The following MAX variants were observed in gnomAD, a reference collection of about 807,000 sequenced individuals.
MAX encodes the protein protein max.
A neutral mutation model predicts 22.3 loss-of-function variants in MAX; 3 were observed. The ratio of observed to expected loss-of-function variants is 0.13; its 90% CI spans 0.06 to 0.35. The LOEUF (loss-of-function observed/expected upper bound fraction) is 0.35. Ranked by LOEUF, MAX falls within the 10% of genes least tolerant of loss-of-function variation. The pLI is 1.00. For synonymous variants in MAX, 72 were observed against 77.7 expected, an observed-to-expected ratio of 0.93 and a Z score of 0.39; for missense variants, 119 against 209.4, an observed-to-expected ratio of 0.57 and a Z score of 2.66.
rs1002363530 is a variant in MAX, at chr14:65,027,649, C to T, written c.172-21365G>A. ...GAAACCTAGAGGAGTTCCCCGCCTG[C>T]TGACACGCACTGACTGTTGCCTCTC... On this transcript the variant is annotated intron_variant, in intron 3 of 3. Coordinates refer to the MAX transcript ENST00000341653. The surrounding 1 kb of genome is among the most constrained non-coding windows in gnomAD (Gnocchi z 5.7). 3 of 1,614,050 alleles carry T rather than the reference C, an allele frequency of 1.9e-6. No individual in the cohort carries two copies. Among genetic ancestry groups the T allele is most frequent in the Non-Finnish European group, 2.5e-6 (3 of 1,179,934 alleles).
intron 3 of MAX, among the ~76,000 whole-genome samples, chr14:65,043,859 A>AAAAAAAG (rs2062413288): frequency 7.0e-6 from 1 of 143,110 alleles, no homozygotes; most frequent in Non-Finnish European, 1.5e-5. Context: ...AAAAAAAAAA[A>AAAAAAAG]AGAAATGTAG....
rs1167553139 is a variant in MAX, at chr14:65,023,143, G to T, written c.172-16859C>A. 6.6e-6 allele frequency among the ~76,000 whole-genome samples: 1 copy of T among 152,128 alleles called. No individual in the cohort carries two copies. Among genetic ancestry groups the T allele is most frequent in the Non-Finnish European group, 1.5e-5 (1 of 68,014 alleles). ...CACAATCACAGCTCACTGCAACCTG[G>T]ACTTCCCCAAGCTCAAGTGATCCTC... On this transcript the variant is annotated intron_variant, in intron 3 of 3. Coordinates refer to the MAX transcript ENST00000341653. This position sits in a 1 kb window ranked among gnomAD's most constrained non-coding sequence, Gnocchi z 4.1.
intron 3 of MAX, chr14:65,041,014 G>A: frequency 6.5e-7 from 1 of 1,542,876 alleles, no homozygotes; most frequent in Non-Finnish European, 8.8e-7. Flanking sequence ...TTGGCTATGG[G>A]AAGGGCTAAG....
intron 3 of MAX, among the ~76,000 whole-genome samples, chr14:65,037,744 A>T (rs200963263): frequency 0.28 from 15,356 of 55,028 alleles, 960 homozygotes; most frequent in Non-Finnish European, 0.32. Context: ...TTTATTTATT[A>T]TTTATTTATT....
In MAX at chr14:65,012,471, T is replaced by C. The variant is rs1345950521; in HGVS notation, c.172-6187A>G. The C allele has an allele frequency of 7.0e-6, 11 of 1,565,094 alleles. No individual in the cohort carries two copies. The highest frequency in any genetic ancestry group is 9.6e-6 in the Non-Finnish European group (11 of 1,145,064). The stretch of plus-strand genomic sequence containing the variant: ...TTTTCTATTTAAACGTAAAAGACTG[T>C]TGGGGCTGACCTGTTGCAGAGTCAC... On this transcript the variant is annotated intron_variant, in intron 3 of 3. Transcript: ENST00000341653. This position sits in a 1 kb window ranked among gnomAD's most constrained non-coding sequence, Gnocchi z 5.0.
chr14:65,077,923 C>T lies in MAX; in HGVS notation c.285G>A (p.Leu95=), dbSNP rs878854500. 4 of 1,614,228 alleles carry T rather than the reference C, an allele frequency of 2.5e-6. No individual in the cohort carries two copies. The highest frequency in any genetic ancestry group is 3.4e-6 in the Non-Finnish European group (4 of 1,180,040). The change falls in exon 4 of 5, where the codon CTG becomes CTA. Residue 95 remains leucine, a synonymous_variant. Coordinates refer to ENST00000358664, the MANE Select transcript of MAX (RefSeq NM_002382.5). This position sits in a 1 kb window ranked among gnomAD's most constrained non-coding sequence, Gnocchi z 6.3. ...AGCTCGGGTGCTCACCTTGCTGCTCCAGAAGAGCATTCTGCCGCTTGAGGT... is the reference window on the plus strand; with the variant it reads ...AGCTCGGGTGCTCACCTTGCTGCTCTAGAAGAGCATTCTGCCGCTTGAGGT... ...IDDLKRQNAL[L]EQQVRALEKA...
At chr14:65,083,753 G>A (rs1035750675) in intron 3 of MAX, 2 of 1,087,808 alleles carry the variant, frequency 1.8e-6, no homozygotes, top group Non-Finnish European at 2.2e-6. Flanking sequence ...CTCAACAACT[G>A]ACATCTGTTT....
chr14:65,056,293 G>A (rs772065223), intron 3 of MAX, among the ~76,000 whole-genome samples: 1 of 152,068 alleles, frequency 6.6e-6, no homozygotes, highest in East Asian at 1.9e-4. Flanking sequence ...ATGTACCCCA[G>A]TGTGTTTCTC....
rs546733464 is a variant in MAX at position 65,085,044 on chromosome 14, T to G, written c.172-7008A>C. Among the ~76,000 whole-genome samples the G allele has an allele frequency of 2.7e-4, 41 of 152,188 alleles. 1 individual carries two copies. In the South Asian group the frequency reaches 8.1e-3, roughly 30 times the overall value. On this transcript the variant is annotated intron_variant, in intron 3 of 4. Transcript: ENST00000358664. ...ATAGTCACTAGCCACATGTGGCTAA[T>G]AAACACTTGAAATGTGAGTACTCTG... is the stretch of plus-strand genomic sequence containing the variant.
chr14:65,015,198 G>T (rs1447544264), intron 3 of MAX, among the ~76,000 whole-genome samples: 1 of 151,580 alleles, frequency 6.6e-6, no homozygotes, highest in Non-Finnish European at 1.5e-5. Context: ...TGCCTCCCGG[G>T]TTCAAGTGAT....
chr14:65,075,098 A>G, downstream of MAX: 1 of 1,013,378 alleles, frequency 9.9e-7, no homozygotes, highest in African/African-American at 1.7e-5. The surrounding 1 kb of genome is among the most constrained non-coding windows in gnomAD (Gnocchi z 4.1). Context: ...CCTTGGCCTT[A>G]ACAAGGGTAA....
Position 65,078,071 on chromosome 14 carries a change from A to C in MAX, c.172-35T>G. The C allele has an allele frequency of 6.2e-7, 1 of 1,614,146 alleles. No homozygotes were observed. The highest frequency in any genetic ancestry group is 8.5e-7 in the Non-Finnish European group (1 of 1,180,016). ...TATGAGAAAAAGCACAGGGGACAAAATAAAAACCCAATCCAGGCAGTGAGG... is the reference window on the plus strand; with the variant it reads ...TATGAGAAAAAGCACAGGGGACAAACTAAAAACCCAATCCAGGCAGTGAGG... On this transcript the variant is annotated intron_variant, in intron 3 of 4. Transcript: ENST00000358664. This position sits in a 1 kb window ranked among gnomAD's most constrained non-coding sequence, Gnocchi z 6.4.
intron 2 of MAX, among the ~76,000 whole-genome samples, chr14:65,094,636 G>A: frequency 6.6e-6 from 1 of 152,344 alleles, no homozygotes; most frequent in East Asian, 1.9e-4. Context: ...AGCCTGCTTG[G>A]AATCACAAAG....
At position 65,084,271 on chromosome 14, in the gene MAX, G is replaced by A. The variant is rs753839507; in HGVS notation, c.172-6235C>T. 6 of 1,610,446 alleles carry A rather than the reference G, an allele frequency of 3.7e-6. No individual in the cohort carries two copies. The highest frequency in any genetic ancestry group is 5.1e-6 in the Non-Finnish European group (6 of 1,176,808). On this transcript the variant is annotated intron_variant, in intron 3 of 4. Coordinates refer to ENST00000358664, the MANE Select transcript of MAX (RefSeq NM_002382.5). The surrounding 1 kb of genome is among the most constrained non-coding windows in gnomAD (Gnocchi z 4.3). The stretch of plus-strand genomic sequence containing the variant: ...CAAACTTTGACGATGAAGGACAGGA[G>A]TACACAATTTCCAAAAGAGGAAATA...
rs1196353039 is a variant in MAX at position 65,061,449 on chromosome 14, TCAAA to T, written c.171+32255_171+32258del. 4.3e-6 allele frequency: 6 copies of T among 1,392,332 alleles called. No homozygotes were observed. The African/African-American group carries it at 8.7e-5, about 20-fold the overall frequency. The allele number at this position is 1,392,332 out of a possible 1,614,324, so 86.2% of individuals were successfully genotyped here. On this transcript the variant is annotated intron_variant, in intron 3 of 3. Coordinates refer to the MAX transcript ENST00000341653. ...CTGTGGTTCTCTTGGTACTTTCTTG[TCAAA>T]CAAAACCAATGGCTCTGGGTTTGGA...
chr14:65,070,511 G>A (rs1484572714), downstream of MAX, among the ~76,000 whole-genome samples: 1 of 152,228 alleles, frequency 6.6e-6, no homozygotes, highest in Non-Finnish European at 1.5e-5. This position sits in a 1 kb window ranked among gnomAD's most constrained non-coding sequence, Gnocchi z 4.4. Flanking sequence ...GCCTGCTGGG[G>A]CAGCTGGCAT....
In MAX at chr14:65,077,070, G is replaced by A. The variant is rs1231809972; in HGVS notation, c.296-407C>T. The A allele has an allele frequency of 3.5e-6, 2 of 565,654 alleles. No homozygotes were observed. Among genetic ancestry groups the A allele is most frequent in the East Asian group, 6.1e-5 (2 of 32,850 alleles). The allele number at this position is 565,654 out of a possible 1,614,324, so 35.0% of individuals were successfully genotyped here. On this transcript the variant is annotated intron_variant, in intron 4 of 4. Coordinates refer to ENST00000358664, the MANE Select transcript of MAX (RefSeq NM_002382.5). The surrounding 1 kb of genome is among the most constrained non-coding windows in gnomAD (Gnocchi z 6.3). ...ACAGCAGGAAAGGATGACATAAGAC[G>A]TATCAGCCAAAGAACAGTTTTGGCT...
Position 65,012,785 on chromosome 14 carries a change from A to G in MAX, c.172-6501T>C, listed in dbSNP as rs1462494355. Among the ~76,000 whole-genome samples, 1 of 152,216 alleles carries G rather than the reference A, an allele frequency of 6.6e-6. No homozygotes were observed. The highest frequency in any genetic ancestry group is 1.9e-4 in the East Asian group (1 of 5,200). On this transcript the variant is annotated intron_variant, in intron 3 of 3. Transcript: ENST00000341653. The surrounding 1 kb of genome is among the most constrained non-coding windows in gnomAD (Gnocchi z 5.0). ...TATTGTCCAAACCTGTTAAGTCTGTATCGTGATGGTTACAAATTTTCCAAC... is the reference window on the plus strand; with the variant it reads ...TATTGTCCAAACCTGTTAAGTCTGTGTCGTGATGGTTACAAATTTTCCAAC...
intron 3 of MAX, among the ~76,000 whole-genome samples, chr14:65,021,790 C>T (rs1317815662): frequency 2.6e-5 from 4 of 152,148 alleles, no homozygotes; most frequent in East Asian, 1.9e-4. Flanking sequence ...GGACTACGGG[C>T]GCATGCCACT....
Sources: allele counts gnomAD v4.1 joint callset (sites outside exome capture counted in the v4.1 genomes callset), GRCh38; gene constraint gnomAD v4.1.1; non-coding constraint Gnocchi (gnomAD v3.1); transcripts MANE v1.5; gene names NCBI Gene and HGNC (gene_info 2026-07-23, HGNC 2026-07-21).